The following LRRC69 variants were observed in gnomAD, a reference collection of about 807,000 sequenced individuals.
LRRC69 encodes the protein leucine rich repeat containing 69, also known as leucine-rich repeat-containing protein 69.
A neutral mutation model predicts 37.8 loss-of-function variants in LRRC69; 42 were observed. The ratio of observed to expected loss-of-function variants is 1.11; its 90% CI spans 0.87 to 1.44. The LOEUF is 1.44. LRRC69 is among the 40% of genes most tolerant of loss of function. The probability of loss-of-function intolerance (pLI) is 0.00; values close to 1 mark genes in which losing one functional copy is unlikely to be tolerated. For missense variants in LRRC69, 357 were observed against 401.9 expected, an observed-to-expected ratio of 0.89 and a Z score of 0.96; for synonymous variants, 141 against 143.1, an observed-to-expected ratio of 0.99 and a Z score of 0.11.
At chr8:91,171,273 T>C (rs1302798854) in intron 5 of LRRC69, among the ~76,000 whole-genome samples, 1 of 144,790 alleles carries the variant, frequency 6.9e-6, no homozygotes. Context: ...TAACCTCCTC[T>C]TACCCCCCAT....
chr8:91,126,969 C>T (rs1000342683), intron 2 of LRRC69, 119 bp from the exon 3 acceptor site: 2 of 714,248 alleles, frequency 2.8e-6, no homozygotes, highest in African/African-American at 3.7e-5. Context: ...GTTACCACCA[C>T]CAAAAGAGCC....
At chr8:91,128,113 A>G (rs1358411290) in intron 3 of LRRC69, among the ~76,000 whole-genome samples, 1 of 152,024 alleles carries the variant, frequency 6.6e-6, no homozygotes, top group Non-Finnish European at 1.5e-5. Context: ...CAATCGATGT[A>G]TATATTGATG....
At chr8:91,203,216 T>A (rs1163329202) in intron 7 of LRRC69, among the ~76,000 whole-genome samples, 2 of 151,918 alleles carry the variant, frequency 1.3e-5, no homozygotes, top group Non-Finnish European at 1.5e-5. Context: ...TGAGTGTGTG[T>A]GTGGGTGGGT....
chr8:91,179,814 T>C (rs1809294050), intron 5 of LRRC69, among the ~76,000 whole-genome samples: 2 of 152,340 alleles, frequency 1.3e-5, no homozygotes, highest in South Asian at 2.1e-4. Context: ...ATGAAGGGAC[T>C]GAAAGACAAT....
intron 5 of LRRC69, among the ~76,000 whole-genome samples, chr8:91,174,149 G>A (rs1279459258): frequency 1.6e-5 from 2 of 122,390 alleles, no homozygotes; most frequent in African/African-American, 6.2e-5. Context: ...ATGAGAAACA[G>A]GCTGAGGTAC....
intron 5 of LRRC69, among the ~76,000 whole-genome samples, chr8:91,160,890 C>A (rs1334811628): frequency 1.3e-5 from 2 of 151,274 alleles, no homozygotes; most frequent in Non-Finnish European, 3.0e-5. Flanking sequence ...CTTTTCCCTG[C>A]TGAAAGCTTT....
chr8:91,141,750 AAAATC>A (rs1233832382), intron 5 of LRRC69, among the ~76,000 whole-genome samples: 2 of 152,250 alleles, frequency 1.3e-5, no homozygotes, highest in South Asian at 2.1e-4. Flanking sequence ...TAAAATGAGA[AAAATC>A]AAAGAAACTG....
intron 5 of LRRC69, among the ~76,000 whole-genome samples, chr8:91,174,848 C>T (rs1393347897): frequency 1.3e-5 from 2 of 151,758 alleles, no homozygotes; most frequent in African/African-American, 4.8e-5. Context: ...GTATACGGCT[C>T]TCCTATCCAG....
At chr8:91,129,979 A>G (rs986548298) in intron 3 of LRRC69, among the ~76,000 whole-genome samples, 6 of 151,960 alleles carry the variant, frequency 3.9e-5, no homozygotes, top group Non-Finnish European at 8.8e-5. Flanking sequence ...AAACTATTCA[A>G]TGCATTTTGT....
chr8:91,172,245 A>G (rs1809146744), intron 5 of LRRC69, among the ~76,000 whole-genome samples: 1 of 151,966 alleles, frequency 6.6e-6, no homozygotes, highest in African/African-American at 2.4e-5. Context: ...CTTTGTACAT[A>G]CCATTAGTTA....
At chr8:91,166,159 T>G (rs1386059718) in intron 5 of LRRC69, among the ~76,000 whole-genome samples, 2 of 151,832 alleles carry the variant, frequency 1.3e-5, no homozygotes, top group African/African-American at 4.8e-5. Context: ...ATAATACAAA[T>G]GATACTGTCT....
chr8:91,105,780 A>G (rs1813302322), intron 1 of LRRC69, among the ~76,000 whole-genome samples: 1 of 151,928 alleles, frequency 6.6e-6, no homozygotes, highest in South Asian at 2.1e-4. Context: ...GTTACCAGCT[A>G]TATACAAGGC....
chr8:91,206,275 C>T (rs1177380078), intron 7 of LRRC69, among the ~76,000 whole-genome samples: 2 of 152,078 alleles, frequency 1.3e-5, no homozygotes, highest in Non-Finnish European at 2.9e-5. Context: ...TTTAAAAGCC[C>T]AGAATCTAGA....
At chr8:91,207,102 C>T (rs1472271571) in intron 7 of LRRC69, among the ~76,000 whole-genome samples, 1 of 152,128 alleles carries the variant, frequency 6.6e-6, no homozygotes, top group Non-Finnish European at 1.5e-5. Flanking sequence ...GCTGGGAATA[C>T]AGAACCCTGA....
chr8:91,108,328 C>T (rs1396489630), intron 1 of LRRC69, among the ~76,000 whole-genome samples: 5 of 152,040 alleles, frequency 3.3e-5, no homozygotes, highest in African/African-American at 1.2e-4. Flanking sequence ...TTATGTGTGT[C>T]TGCAGTGGAG....
chr8:91,139,411 G>A (rs1808491705), intron 5 of LRRC69, among the ~76,000 whole-genome samples: 1 of 151,610 alleles, frequency 6.6e-6, no homozygotes, highest in African/African-American at 2.4e-5. Context: ...GCGTGGTGGC[G>A]GGTGCCTGCA....
chr8:91,185,148 T>G (rs1205081653), intron 5 of LRRC69, among the ~76,000 whole-genome samples: 1 of 152,280 alleles, frequency 6.6e-6, no homozygotes, highest in Middle Eastern at 3.4e-3. Flanking sequence ...GTGGGGACTG[T>G]GCGGTGACAC....
At chr8:91,183,058 A>T (rs1196521280) in intron 5 of LRRC69, among the ~76,000 whole-genome samples, 1 of 152,170 alleles carries the variant, frequency 6.6e-6, no homozygotes, top group Non-Finnish European at 1.5e-5. Context: ...CCCTAGAGTG[A>T]GAGGGAACAT....
intron 3 of LRRC69, among the ~76,000 whole-genome samples, chr8:91,128,834 C>A (rs1813761047): frequency 6.6e-6 from 1 of 151,932 alleles, no homozygotes; most frequent in South Asian, 2.1e-4. Flanking sequence ...TTGGGCAAAG[C>A]ATTGAGCATA....
Sources: gnomAD v4.1 joint callset for allele counts (sites outside exome capture counted in the v4.1 genomes callset) on GRCh38, gnomAD v4.1.1 for gene constraint, MANE v1.5 for transcripts, NCBI Gene and HGNC (gene_info 2026-07-23, HGNC 2026-07-21) for gene names.